Variants in ZNF329 observed in about 807,000 individuals in gnomAD.
ZNF329 encodes zinc finger protein 329.
Under a neutral mutation model 26.6 loss-of-function variants are expected in ZNF329, and 15 were observed. The observed-to-expected ratio is 0.56, with a 90% CI of 0.38 to 0.87. The LOEUF is 0.87. ZNF329 is among the 40% of genes least tolerant of loss of function. The probability of loss-of-function intolerance (pLI) is 0.00; values close to 1 mark genes in which losing one functional copy is unlikely to be tolerated. For synonymous variants in ZNF329, 239 were observed against 233.5 expected (o/e 1.02, Z -0.21); for missense variants, 651 against 651.9 (o/e 1.00, Z 0.02).
chr19:58,143,793 G>C (rs1466303694), intron 1 of ZNF329, among the ~76,000 whole-genome samples: 1 of 151,956 alleles, frequency 6.6e-6, no homozygotes, highest in Non-Finnish European at 1.5e-5. Context: ...AGAAATAATA[G>C]AACTAGGCTG....
intron 3 of ZNF329, among the ~76,000 whole-genome samples, chr19:58,134,331 G>C (rs1029192693): frequency 6.6e-6 from 1 of 152,092 alleles, no homozygotes; most frequent in African/African-American, 2.4e-5. Context: ...CAAAAAACCC[G>C]ATCAATCCAG....
At chr19:58,145,314 CTTTTTTTTTTTTTTT>C (rs71188087) in intron 1 of ZNF329, among the ~76,000 whole-genome samples, 3 of 106,172 alleles carry the variant, frequency 2.8e-5, no homozygotes, top group African/African-American at 8.5e-5. Flanking sequence ...TTTTTTCTTC[CTTTTTTTTTTTTTTT>C]TTTTTTTTTG....
chr19:58,147,583 C>G (rs166830), intron 1 of ZNF329, among the ~76,000 whole-genome samples: 1 of 138,728 alleles, frequency 7.2e-6, no homozygotes. Flanking sequence ...CCGCCCCGTC[C>G]GGGAGGGAGG....
At chr19:58,136,701 A>AT (rs1555808031) in intron 3 of ZNF329, 3,944 of 133,882 alleles carry the variant, frequency 0.029, 105 homozygotes, top group Middle Eastern at 0.054. Context: ...AAAAAAAAAA[A>AT]AAAAAAAGGG....
intron 1 of ZNF329, among the ~76,000 whole-genome samples, chr19:58,147,254 G>GT (rs2075336454): frequency 6.6e-6 from 1 of 151,362 alleles, no homozygotes; most frequent in South Asian, 2.1e-4. Context: ...CGTCTGAGAA[G>GT]TGAGGAGACC....
In ZNF329 at chr19:58,129,499, C is replaced by T; in HGVS notation, c.5G>A (p.Arg2Lys). The change falls in exon 4 of 4, where the codon AGA becomes AAA. Residue 2 changes from arginine (R) to lysine (K), a missense_variant. Transcript: ENST00000598312. ...AAAATTCCGAGTCGTCATTTTCAAT[C>T]TCATATCCCAAACTGCAAAAAGAAG... Reference protein sequence around the residue: MRLKMTTRNFPE... With the variant: MKLKMTTRNFPE... 6.3e-7 allele frequency: 1 copy of T among 1,587,256 alleles called. No individual in the cohort carries two copies. The highest frequency in any genetic ancestry group is 8.6e-7 in the Non-Finnish European group (1 of 1,167,062).
Position 58,129,023 on chromosome 19 carries a change from AG to A in ZNF329, c.480del (p.Ser161LeufsTer7), listed in dbSNP as rs2074872700. 5 of 1,613,854 alleles carry A rather than the reference AG, an allele frequency of 3.1e-6. No homozygotes were observed. The highest frequency in any genetic ancestry group is 3.4e-6 in the Non-Finnish European group (4 of 1,179,828). ...PESVKSFNHF[T>X]SLGHQKIMKR... is the part of the protein sequence containing the mutation. ...TTCATTATTTTCTGATGACCAAGAG[AG>A]GTAAAATGATTAAAAGACTTAACAC... On this transcript the variant is annotated frameshift_variant, in exon 4 of 4. Transcript: ENST00000598312. LOFTEE classifies it high-confidence loss of function.
chr19:58,140,757 G>A (rs2075167487), intron 3 of ZNF329, among the ~76,000 whole-genome samples: 1 of 151,818 alleles, frequency 6.6e-6, no homozygotes, highest in Non-Finnish European at 1.5e-5. Flanking sequence ...CTCTTGTCCA[G>A]CCTAGACTGC....
intron 3 of ZNF329, among the ~76,000 whole-genome samples, chr19:58,134,187 G>A (rs1268595951): frequency 2.0e-5 from 3 of 152,166 alleles, no homozygotes; most frequent in Non-Finnish European, 4.4e-5. Context: ...TAGGAGCCAC[G>A]GATGCTGCTA....
At chr19:58,146,892 G>A (rs554969148) in intron 1 of ZNF329, among the ~76,000 whole-genome samples, 34 of 151,936 alleles carry the variant, frequency 2.2e-4, no homozygotes, top group South Asian at 1.5e-3. Flanking sequence ...GCGTGATCTT[G>A]GCTTGCTACA....
chr19:58,149,465 A>C (rs1170299490), intron 1 of ZNF329, among the ~76,000 whole-genome samples: 1 of 152,156 alleles, frequency 6.6e-6, no homozygotes, highest in Non-Finnish European at 1.5e-5. Context: ...GGCAGGGAGA[A>C]GATAAAGATA....
chr19:58,147,818 G>A (rs1240905280), intron 1 of ZNF329, among the ~76,000 whole-genome samples: 1 of 150,002 alleles, frequency 6.7e-6, no homozygotes, highest in Non-Finnish European at 1.5e-5. Context: ...CGGGAGGTGA[G>A]GGGCGCCTCT....
chr19:58,153,108 T>C (rs1403607301), upstream of ZNF329, among the ~76,000 whole-genome samples: 2 of 152,036 alleles, frequency 1.3e-5, no homozygotes, highest in African/African-American at 2.4e-5. Flanking sequence ...CACAAGTGTA[T>C]ATTCTTTTTT....
intron 3 of ZNF329, among the ~76,000 whole-genome samples, chr19:58,139,091 G>T (rs952261762): frequency 2.0e-5 from 3 of 151,932 alleles, no homozygotes; most frequent in Non-Finnish European, 4.4e-5. Flanking sequence ...ACGATGCCTT[G>T]GCAAGACACC....
intron 1 of ZNF329, among the ~76,000 whole-genome samples, chr19:58,144,946 T>A (rs1001353542): frequency 6.6e-6 from 1 of 150,434 alleles, no homozygotes; most frequent in African/African-American, 2.5e-5. Context: ...GCCTCCCGGG[T>A]TCACGCCATT....
At chr19:58,140,699 C>G (rs1359935379) in intron 3 of ZNF329, among the ~76,000 whole-genome samples, 1 of 151,512 alleles carries the variant, frequency 6.6e-6, no homozygotes, top group African/African-American at 2.4e-5. Context: ...ACAGGCGTGA[C>G]CACCGCGCCC....
At chr19:58,152,772 G>C (rs2075480395), upstream of ZNF329, among the ~76,000 whole-genome samples, 1 of 151,990 alleles carries the variant, frequency 6.6e-6, no homozygotes, top group Non-Finnish European at 1.5e-5. Context: ...CAGGAGAATT[G>C]CCTGAATCCT....
chr19:58,154,919 GC>G (rs1470707217), upstream of ZNF329: 1 of 152,346 alleles, frequency 6.6e-6, no homozygotes, highest in Non-Finnish European at 1.5e-5. Context: ...CGCAGCCCTA[GC>G]CCGTGCACCC....
intron 1 of ZNF329, among the ~76,000 whole-genome samples, chr19:58,149,389 A>G (rs755039999): frequency 1.3e-5 from 2 of 152,254 alleles, no homozygotes; most frequent in East Asian, 1.9e-4. Flanking sequence ...TTCCCAAGAT[A>G]TAAGAACCCT....
Sources: gnomAD v4.1 joint callset for allele counts (sites outside exome capture counted in the v4.1 genomes callset) on GRCh38, gnomAD v4.1.1 for gene constraint, MANE v1.5 for transcripts, NCBI Gene and HGNC (gene_info 2026-07-23, HGNC 2026-07-21) for gene names.